The following C11orf65 variants were observed in gnomAD, a reference collection of about 807,000 sequenced individuals.
C11orf65 encodes chromosome 11 open reading frame 65, also known as protein MFI.
A neutral mutation model predicts 35.3 loss-of-function variants in C11orf65; 38 were observed. The ratio of observed to expected loss-of-function variants is 1.08; its 90% CI spans 0.83 to 1.41. The LOEUF is 1.41. Ranked by LOEUF, C11orf65 falls within the 40% of genes most tolerant of loss-of-function variation. The probability of loss-of-function intolerance (pLI) is 0.00; values close to 1 mark genes in which losing one functional copy is unlikely to be tolerated. For missense variants in C11orf65, 370 were observed against 367.1 expected, an observed-to-expected ratio of 1.01 and a Z score of -0.06; for synonymous variants, 105 against 114.4, an observed-to-expected ratio of 0.92 and a Z score of 0.53.
chr11:108,381,403 C>G (rs980114329), downstream of C11orf65, among the ~76,000 whole-genome samples: 1 of 152,116 alleles, frequency 6.6e-6, no homozygotes, highest in African/African-American at 2.4e-5. Context: ...ACTATGATTG[C>G]TACCTGGTCA....
chr11:108,419,885 T>C (rs375008753), intron 3 of C11orf65, among the ~76,000 whole-genome samples: 3 of 152,212 alleles, frequency 2.0e-5, no homozygotes, highest in East Asian at 1.9e-4. Context: ...CTATTCACCA[T>C]TACTGAAGGC....
intron 3 of C11orf65, among the ~76,000 whole-genome samples, chr11:108,333,490 G>A (rs1477147696): frequency 3.3e-5 from 5 of 152,028 alleles, no homozygotes; most frequent in Non-Finnish European, 4.4e-5. Context: ...ACTTGAAAAC[G>A]AATGGGACTT....
At chr11:108,418,336 A>C (rs1012283703) in intron 3 of C11orf65, among the ~76,000 whole-genome samples, 1 of 152,170 alleles carries the variant, frequency 6.6e-6, no homozygotes, top group Non-Finnish European at 1.5e-5. Flanking sequence ...AATTTATAAA[A>C]AATAGACAAC....
chr11:108,407,167 ATTC>A lies in C11orf65; in HGVS notation c.175-21_175-19del, dbSNP rs1217558684. ...AGCTCTGCCTATAAGAAAATATATT[ATTC>A]TTATATATTATTCTTCAGGATTCTG... On this transcript the variant is annotated intron_variant, in intron 3 of 8. Coordinates refer to ENST00000393084, the MANE Select transcript of C11orf65 (RefSeq NM_152587.5). The A allele has an allele frequency of 6.7e-7, 1 of 1,490,446 alleles. No homozygotes were observed. The highest frequency in any genetic ancestry group is 1.8e-5 in the Admixed American group (1 of 54,934). The allele number at this position is 1,490,446 out of a possible 1,614,324, so 92.3% of individuals were successfully genotyped here. A position where few individuals can be genotyped will look rare whatever the true frequency, so the allele number is the denominator to read the frequency against.
chr11:108,433,762 G>A (rs1180542922), intron 2 of C11orf65, among the ~76,000 whole-genome samples: 1 of 151,840 alleles, frequency 6.6e-6, no homozygotes, highest in Non-Finnish European at 1.5e-5. Context: ...CAAGTAAAAG[G>A]TGGGACTCAC....
chr11:108,333,811 CTG>C, intron 3 of C11orf65: 1 of 1,182,786 alleles, frequency 8.5e-7, no homozygotes, highest in Admixed American at 1.7e-5. Context: ...CCAGTGGTAT[CTG>C]CTGACTATTC....
chr11:108,325,825 T>C (rs2085618901), intron 6 of C11orf65, among the ~76,000 whole-genome samples: 1 of 152,186 alleles, frequency 6.6e-6, no homozygotes, highest in South Asian at 2.1e-4. Flanking sequence ...TTATATACTG[T>C]GTGTATGTAC....
chr11:108,372,325 C>G (rs1464839922), intron 2 of C11orf65, among the ~76,000 whole-genome samples: 1 of 152,172 alleles, frequency 6.6e-6, no homozygotes, highest in Non-Finnish European at 1.5e-5. Context: ...TCCCAAGTAG[C>G]TGGGACTACA....
rs190206979 is a variant in C11orf65 at position 108,450,658 on chromosome 11, A to C, written c.81+10821T>G. Reference sequence around the variant, plus strand: ...GGGAGGGGGGAGGGATAGCATTAGGAGATATACCTAATGCTAAATGATGAG... The same window carrying C: ...GGGAGGGGGGAGGGATAGCATTAGGCGATATACCTAATGCTAAATGATGAG... On this transcript the variant is annotated intron_variant, in intron 2 of 8. Transcript: ENST00000393084. Among the ~76,000 whole-genome samples, 105 of 150,182 alleles carry C rather than the reference A, an allele frequency of 7.0e-4. 3 individuals are homozygous for C. The highest frequency in any genetic ancestry group is 2.4e-3 in the African/African-American group (99 of 40,566).
intron 2 of C11orf65, chr11:108,343,437 G>A (rs2136960186): frequency 6.3e-7 from 1 of 1,583,994 alleles, no homozygotes; most frequent in Non-Finnish European, 8.7e-7. Flanking sequence ...GCTGACAGCT[G>A]TCAGATATTA....
chr11:108,402,844 T>C (rs1479386287), intron 6 of C11orf65, among the ~76,000 whole-genome samples: 12 of 152,180 alleles, frequency 7.9e-5, no homozygotes. Flanking sequence ...TATGTATTCT[T>C]TTTTGATAGA....
intron 3 of C11orf65, among the ~76,000 whole-genome samples, chr11:108,427,493 G>A (rs1435981317): frequency 2.6e-5 from 4 of 151,342 alleles, no homozygotes; most frequent in Non-Finnish European, 4.4e-5. Context: ...GCCGAGACAG[G>A]CGGATCACGA....
At chr11:108,369,328 A>C (rs1484296746) in intron 2 of C11orf65, among the ~76,000 whole-genome samples, 2 of 152,172 alleles carry the variant, frequency 1.3e-5, no homozygotes, top group Non-Finnish European at 2.9e-5. Context: ...AGTGTTTCTT[A>C]GTCGCCTCCT....
intron 2 of C11orf65, among the ~76,000 whole-genome samples, chr11:108,459,726 T>TACACACATACAC (rs1555179207): frequency 1.4e-5 from 2 of 138,570 alleles, no homozygotes; most frequent in East Asian, 4.4e-4. Flanking sequence ...GTCCTCCGTC[T>TACACACATACAC]ACACACACAC....
intron 6 of C11orf65, among the ~76,000 whole-genome samples, chr11:108,324,918 C>G (rs1056645415): frequency 7.9e-5 from 12 of 152,138 alleles, no homozygotes; most frequent in Non-Finnish European, 7.4e-5. Context: ...CCCTCATTTC[C>G]TTGCTGACAT....
intron 3 of C11orf65, among the ~76,000 whole-genome samples, chr11:108,421,932 T>C (rs1021309304): frequency 2.6e-5 from 4 of 152,134 alleles, no homozygotes; most frequent in Admixed American, 2.0e-4. Flanking sequence ...TTGATTCTGA[T>C]GGTTATTCTT....
At chr11:108,377,502 T>C (rs957284474) in intron 2 of C11orf65, among the ~76,000 whole-genome samples, 4 of 152,140 alleles carry the variant, frequency 2.6e-5, no homozygotes, top group Non-Finnish European at 5.9e-5. Flanking sequence ...GAGCTATCTA[T>C]GACAGTCCCA....
At chr11:108,362,760 G>C (rs995388461) in intron 2 of C11orf65, among the ~76,000 whole-genome samples, 11 of 141,720 alleles carry the variant, frequency 7.8e-5, no homozygotes, top group Non-Finnish European at 1.4e-4. Flanking sequence ...GAGAACACAT[G>C]GACACAGGAA....
chr11:108,430,571 C>T (rs956376387), intron 3 of C11orf65, among the ~76,000 whole-genome samples: 1 of 151,790 alleles, frequency 6.6e-6, no homozygotes, highest in African/African-American at 2.4e-5. Context: ...AATAAGGGTA[C>T]GGTGGTTTAC....
Sources: gnomAD v4.1 joint callset for allele counts (sites outside exome capture counted in the v4.1 genomes callset) on GRCh38, gnomAD v4.1.1 for gene constraint, MANE v1.5 for transcripts, NCBI Gene and HGNC (gene_info 2026-07-23, HGNC 2026-07-21) for gene names.